PTPRZ1: variants seen among roughly 807,000 people sequenced by gnomAD.
PTPRZ1 encodes the protein protein tyrosine phosphatase receptor type Z1.
Under a neutral mutation model 214.1 loss-of-function variants are expected in PTPRZ1, and 82 were observed. That is an observed-to-expected ratio of 0.38 (90% CI 0.32 to 0.46). The LOEUF is 0.46. Among genes scored for constraint, PTPRZ1 ranks in the 20% least tolerant of loss-of-function variants. The pLI, the probability that PTPRZ1 is intolerant of heterozygous loss-of-function variation, is 1.00. For missense variants in PTPRZ1, 2,603 were observed against 2,748.7 expected (o/e 0.95, Z 1.19); for synonymous variants, 945 against 987.9 (o/e 0.96, Z 0.81).
At chr7:121,929,333 T>C (rs1795856173) in intron 2 of PTPRZ1, among the ~76,000 whole-genome samples, 1 of 152,240 alleles carries the variant, frequency 6.6e-6, no homozygotes, top group South Asian at 2.1e-4. Context: ...CTGATCATGA[T>C]AGTTAATCTG....
chr7:122,012,873 G>A lies in PTPRZ1; in HGVS notation c.3827G>A (p.Ser1276Asn). Residue 1276 changes from serine to asparagine, a missense_variant, in exon 12 of 30, where the codon AGT becomes AAT. Physicochemically the swap from Ser to Asn is conservative, Grantham distance 46. Transcript: ENST00000393386. ...SEKYEPVLLK[S>N]ESSHQVVPSL... The stretch of plus-strand genomic sequence containing the variant: ...AAATATGAACCAGTTTTGTTAAAAA[G>A]TGAAAGTTCCCACCAAGTGGTACCT... The A allele has an allele frequency of 1.2e-6, 2 of 1,614,130 alleles. No individual in the cohort carries two copies. Among genetic ancestry groups the A allele is most frequent in the Non-Finnish European group, 1.7e-6 (2 of 1,180,012 alleles).
intron 1 of PTPRZ1, among the ~76,000 whole-genome samples, chr7:121,897,553 G>C (rs1794824977): frequency 6.6e-6 from 1 of 152,138 alleles, no homozygotes; most frequent in Non-Finnish European, 1.5e-5. Flanking sequence ...ATGCTATCTG[G>C]TTGGTTAGTC....
intron 18 of PTPRZ1, among the ~76,000 whole-genome samples, chr7:122,037,021 C>T (rs1799566221): frequency 6.7e-6 from 1 of 149,408 alleles, no homozygotes; most frequent in African/African-American, 2.5e-5. Context: ...GCCTGTAATC[C>T]CAGAACTTTG....
intron 8 of PTPRZ1, among the ~76,000 whole-genome samples, chr7:121,985,777 C>CCT (rs1338692776): frequency 1.3e-5 from 2 of 152,210 alleles, no homozygotes; most frequent in Non-Finnish European, 2.9e-5. Context: ...AAATGGTGCT[C>CCT]CTCTGGAGGT....
intron 21 of PTPRZ1, 61 bp downstream of exon 21, chr7:122,041,040 C>G: frequency 1.5e-6 from 2 of 1,345,490 alleles, no homozygotes; most frequent in Non-Finnish European, 1.9e-6. Flanking sequence ...AAAAGGAAAT[C>G]AATGGAACAA....
In PTPRZ1 at chr7:122,051,419, C is replaced by A; in HGVS notation, c.6085-9C>A. On this transcript the variant is annotated splice_polypyrimidine_tract_variant and intron_variant, in intron 23 of 29. Transcript: ENST00000393386. ...AATAACCTATATATTTTTTTACTTT[C>A]TTGCCCAGCTCCTGAGCCAGTCAAA... 1 of 1,607,214 alleles carries A rather than the reference C, an allele frequency of 6.2e-7. No homozygotes were observed. The highest frequency in any genetic ancestry group is 8.5e-7 in the Non-Finnish European group (1 of 1,175,948).
intron 25 of PTPRZ1, among the ~76,000 whole-genome samples, chr7:122,053,106 A>G (rs931505750): frequency 2.0e-5 from 3 of 152,158 alleles, no homozygotes; most frequent in Non-Finnish European, 4.4e-5. Context: ...TGAAGGGTTC[A>G]TGGCACTGGA....
intron 1 of PTPRZ1, among the ~76,000 whole-genome samples, chr7:121,904,482 C>G (rs1795062604): frequency 6.6e-6 from 1 of 152,156 alleles, no homozygotes; most frequent in Admixed American, 6.5e-5. Context: ...TCTTCCTGTT[C>G]TGGTTTCATG....
chr7:121,883,384 C>T (rs767666896), intron 1 of PTPRZ1, among the ~76,000 whole-genome samples: 2 of 152,046 alleles, frequency 1.3e-5, no homozygotes, highest in African/African-American at 2.4e-5. Flanking sequence ...CTTTCAAAGC[C>T]TTGTATTTGT....
intron 8 of PTPRZ1, among the ~76,000 whole-genome samples, chr7:121,984,516 G>A (rs1198254751): frequency 1.3e-5 from 2 of 152,238 alleles, no homozygotes; most frequent in East Asian, 1.9e-4. Flanking sequence ...GATCATTTCT[G>A]GTTGGGATAA....
chr7:122,059,591 A>G, intron 28 of PTPRZ1, 162 bp from the exon 29 acceptor site: 1 of 764,954 alleles, frequency 1.3e-6, no homozygotes, highest in South Asian at 2.2e-5. Context: ...AATATTTCAG[A>G]TTAAATCATA....
At chr7:121,933,152 T>TG (rs1290441051) in intron 2 of PTPRZ1, among the ~76,000 whole-genome samples, 2 of 45,362 alleles carry the variant, frequency 4.4e-5, no homozygotes, top group East Asian at 6.5e-4. Flanking sequence ...GACAGTTCAG[T>TG]GAAAAAAAAA....
chr7:121,879,305 T>C (rs1015053450), intron 1 of PTPRZ1, among the ~76,000 whole-genome samples: 4 of 152,146 alleles, frequency 2.6e-5, no homozygotes, highest in Non-Finnish European at 4.4e-5. Flanking sequence ...CCACTTTGTA[T>C]GTGTACAAGT....
intron 2 of PTPRZ1, among the ~76,000 whole-genome samples, chr7:121,955,551 A>G (rs1216858428): frequency 6.6e-6 from 1 of 152,178 alleles, no homozygotes; most frequent in Non-Finnish European, 1.5e-5. Flanking sequence ...ATAATTCCAT[A>G]AATAGTTTGC....
chr7:121,981,771 GGT>G (rs548092126), intron 6 of PTPRZ1, among the ~76,000 whole-genome samples: 1,866 of 148,206 alleles, frequency 0.013, 19 homozygotes, highest in South Asian at 0.038. Context: ...CATATTTATT[GGT>G]GTGTGTGTGT....
intron 15 of PTPRZ1, among the ~76,000 whole-genome samples, chr7:122,032,514 C>A (rs898348617): frequency 7.9e-5 from 12 of 152,126 alleles, no homozygotes; most frequent in African/African-American, 2.9e-4. Context: ...TGCATTTTTG[C>A]TTCTCTCTCC....
chr7:121,923,800 G>A (rs1309239650), intron 1 of PTPRZ1, among the ~76,000 whole-genome samples: 1 of 151,844 alleles, frequency 6.6e-6, no homozygotes, highest in Non-Finnish European at 1.5e-5. Flanking sequence ...AAACAGAAAT[G>A]AAGAAATATG....
intron 26 of PTPRZ1, among the ~76,000 whole-genome samples, chr7:122,054,360 G>A (rs1467554598): frequency 3.3e-5 from 5 of 151,994 alleles, no homozygotes; most frequent in Non-Finnish European, 4.4e-5. Context: ...AAAATAAAAT[G>A]TGTTAGAATA....
Position 122,058,923 on chromosome 7 carries a change from C to T in PTPRZ1, c.6652C>T (p.Pro2218Ser), listed in dbSNP as rs1792470731. 1 of 1,589,286 alleles carries T rather than the reference C, an allele frequency of 6.3e-7. No homozygotes were observed. The highest frequency in any genetic ancestry group is 1.3e-5 in the African/African-American group (1 of 74,210). Residue 2218 changes from proline (P) to serine (S), a missense_variant, in exon 28 of 30, where the codon CCT (proline) becomes TCT (serine). By Grantham distance (74) the Pro-to-Ser change is moderately conservative (BLOSUM62 -1). Transcript: ENST00000393386. Reference sequence around the variant, plus strand: ...AGAAGAAGCTGCCAATAGGGATGGGCCTATGATTGTTCATGATGAGTAAGT... The same window carrying T: ...AGAAGAAGCTGCCAATAGGGATGGGTCTATGATTGTTCATGATGAGTAAGT... ...IKEEAANRDG[P>S]MIVHDEHGGV...
Sources: gnomAD v4.1 joint callset for allele counts (sites outside exome capture counted in the v4.1 genomes callset) on GRCh38, gnomAD v4.1.1 for gene constraint, MANE v1.5 for transcripts, NCBI Gene and HGNC (gene_info 2026-07-23, HGNC 2026-07-21) for gene names.